TFDP2: variants seen among roughly 807,000 people sequenced by gnomAD.
TFDP2 encodes the protein transcription factor Dp-2.
In TFDP2, 17 loss-of-function variants were observed where a neutral mutation model predicts 59.3. That is an observed-to-expected ratio of 0.29 (90% CI 0.20 to 0.43). The LOEUF is 0.43. Ranked by LOEUF, TFDP2 falls within the 20% of genes least tolerant of loss-of-function variation. The pLI is 1.00. For missense variants in TFDP2, 391 were observed against 528.8 expected (o/e 0.74, Z 2.56); for synonymous variants, 180 against 194.7 (o/e 0.92, Z 0.63).
intron 4 of TFDP2, among the ~76,000 whole-genome samples, chr3:142,005,025 C>G (rs1468616713): frequency 6.6e-6 from 1 of 152,196 alleles, no homozygotes; most frequent in Non-Finnish European, 1.5e-5. Context: ...AAAAGTGACT[C>G]AGATAACTGA....
chr3:141,992,885 A>G (rs1212161137), intron 6 of TFDP2, among the ~76,000 whole-genome samples: 1 of 152,214 alleles, frequency 6.6e-6, no homozygotes, highest in Non-Finnish European at 1.5e-5. Flanking sequence ...CTGACATGGC[A>G]GGCATTTATT....
intron 3 of TFDP2, among the ~76,000 whole-genome samples, chr3:142,009,274 ATT>A (rs1270028883): frequency 6.6e-6 from 1 of 152,048 alleles, no homozygotes; most frequent in Non-Finnish European, 1.5e-5. Context: ...AACCCTTATT[ATT>A]TTTCCAACCA....
At chr3:142,081,116 T>C (rs999662650) in intron 3 of TFDP2, among the ~76,000 whole-genome samples, 12 of 152,120 alleles carry the variant, frequency 7.9e-5, no homozygotes, top group South Asian at 2.1e-4. Context: ...ATTCAAAAAA[T>C]TGAAATATTA....
intron 3 of TFDP2, among the ~76,000 whole-genome samples, chr3:142,065,783 G>A (rs756385404): frequency 6.6e-6 from 1 of 151,954 alleles, no homozygotes; most frequent in Non-Finnish European, 1.5e-5. Flanking sequence ...AAAGCGCTGG[G>A]ATTTGGACAC....
intron 8 of TFDP2, among the ~76,000 whole-genome samples, chr3:141,972,301 C>G (rs754843705): frequency 6.6e-5 from 10 of 152,206 alleles, no homozygotes; most frequent in Non-Finnish European, 1.2e-4. Context: ...TGGCCGCTGC[C>G]GTAACTCAGA....
chr3:142,088,601 CT>C (rs1048449379), intron 3 of TFDP2, among the ~76,000 whole-genome samples: 84 of 129,952 alleles, frequency 6.5e-4, no homozygotes, highest in Non-Finnish European at 8.9e-4. Context: ...TGCGCCAGGT[CT>C]TTTTTTTTTT....
chr3:141,945,599 C>T lies in TFDP2; in HGVS notation c.*6914G>A, dbSNP rs1935154604. On this transcript the variant is annotated 3_prime_UTR_variant, in exon 13 of 13. Coordinates refer to ENST00000489671, the MANE Select transcript of TFDP2 (RefSeq NM_001178139.2). ...CTGAGAGGTTGAACCTGCCATGGAA[C>T]TACTGGGAAAACTAGAACTGCAACA... The T allele has an allele frequency of 6.6e-6, 1 of 152,226 alleles. No individual in the cohort carries two copies. The highest frequency in any genetic ancestry group is 1.9e-4 in the East Asian group (1 of 5,186). The allele number at this position is 152,226 out of a possible 1,614,324, so 9.4% of individuals were successfully genotyped here. A position where few individuals can be genotyped will look rare whatever the true frequency, so the allele number is the denominator to read the frequency against.
chr3:142,141,330 GA>G (rs1262802022), intron 1 of TFDP2, among the ~76,000 whole-genome samples: 4 of 152,202 alleles, frequency 2.6e-5, no homozygotes, highest in African/African-American at 7.2e-5. Context: ...CTTCCTGGGT[GA>G]AGTGACGCCC....
intron 4 of TFDP2, among the ~76,000 whole-genome samples, chr3:141,997,885 A>C (rs1055922822): frequency 6.6e-6 from 1 of 151,892 alleles, no homozygotes; most frequent in African/African-American, 2.4e-5. Flanking sequence ...AAGAAAGGAA[A>C]AAAAGAGAGA....
intron 4 of TFDP2, among the ~76,000 whole-genome samples, chr3:141,999,978 G>C (rs188930924): frequency 8.5e-4 from 129 of 152,084 alleles, no homozygotes; most frequent in East Asian, 5.8e-4. Context: ...CTCGTGATCT[G>C]CCTGCCTGAG....
intron 6 of TFDP2, among the ~76,000 whole-genome samples, chr3:141,991,439 C>T (rs1409588276): frequency 6.6e-6 from 1 of 151,950 alleles, no homozygotes; most frequent in African/African-American, 2.4e-5. Flanking sequence ...AAAATTAACC[C>T]TTGACCTAAT....
chr3:142,110,647 A>C (rs768268847), intron 1 of TFDP2, among the ~76,000 whole-genome samples: 1 of 152,152 alleles, frequency 6.6e-6, no homozygotes, highest in Non-Finnish European at 1.5e-5. Context: ...GTCAAACACT[A>C]AGTATTAAAA....
chr3:141,962,140 C>T (rs543348396), intron 10 of TFDP2, among the ~76,000 whole-genome samples: 1 of 152,054 alleles, frequency 6.6e-6, no homozygotes, highest in African/African-American at 2.4e-5. Flanking sequence ...CACAGGGTTT[C>T]ACCATGTTGG....
chr3:142,064,374 T>A (rs780343495), intron 3 of TFDP2, among the ~76,000 whole-genome samples: 3 of 152,202 alleles, frequency 2.0e-5, no homozygotes, highest in Non-Finnish European at 2.9e-5. Flanking sequence ...GTAATCTTTA[T>A]AACATGCCCT....
chr3:142,050,402 T>C (rs1428049453), intron 3 of TFDP2, among the ~76,000 whole-genome samples: 1 of 152,134 alleles, frequency 6.6e-6, no homozygotes, highest in Non-Finnish European at 1.5e-5. Flanking sequence ...AGCCTTTCTA[T>C]ATGCTCCCAG....
intron 3 of TFDP2, among the ~76,000 whole-genome samples, chr3:142,023,443 G>A (rs1027846570): frequency 2.0e-5 from 3 of 151,384 alleles, no homozygotes; most frequent in Admixed American, 6.6e-5. Context: ...CACCTGCCCC[G>A]GCCTCCCAAT....
intron 1 of TFDP2, among the ~76,000 whole-genome samples, chr3:142,136,524 G>T (rs2062745019): frequency 1.3e-5 from 2 of 152,110 alleles, no homozygotes; most frequent in South Asian, 4.1e-4. Flanking sequence ...GTACTGCCTA[G>T]GTTTTCTTCT....
At chr3:142,073,573 C>T (rs2060335287) in intron 3 of TFDP2, among the ~76,000 whole-genome samples, 1 of 148,168 alleles carries the variant, frequency 6.7e-6, no homozygotes, top group African/African-American at 2.5e-5. Context: ...TGAGAGGTGA[C>T]AATGGCACTG....
At chr3:142,103,516 T>C (rs1381688005) in intron 1 of TFDP2, among the ~76,000 whole-genome samples, 2 of 152,124 alleles carry the variant, frequency 1.3e-5, no homozygotes, top group African/African-American at 4.8e-5. Flanking sequence ...TCCTCTTTCT[T>C]ATAAAAAATA....
Sources: allele counts gnomAD v4.1 joint callset (sites outside exome capture counted in the v4.1 genomes callset), GRCh38; gene constraint gnomAD v4.1.1; transcripts MANE v1.5; gene names NCBI Gene and HGNC (gene_info 2026-07-23, HGNC 2026-07-21).